RRH: variants seen among roughly 807,000 people sequenced by gnomAD.
RRH encodes visual pigment-like receptor peropsin.
RRH carries 36 observed loss-of-function variants against 33.1 expected under a neutral mutation model. The ratio of observed to expected loss-of-function variants is 1.09; its 90% CI spans 0.83 to 1.44. RRH has a LOEUF of 1.44. Ranked by LOEUF, RRH falls within the 40% of genes most tolerant of loss-of-function variation. RRH has a pLI of 0.00. For missense variants in RRH, 393 were observed against 420.2 expected (o/e 0.94, Z 0.57); for synonymous variants, 124 against 140.2 (o/e 0.88, Z 0.82).
At chr4:109,840,983 A>AT (rs1579364689) in intron 5 of RRH, among the ~76,000 whole-genome samples, 1 of 151,834 alleles carries the variant, frequency 6.6e-6, no homozygotes, top group South Asian at 2.1e-4. Context: ...AATCAAAAAA[A>AT]TTTTTTTTCT....
Position 109,833,172 on chromosome 4 carries a change from T to C in RRH, c.140T>C (p.Leu47Pro), listed in dbSNP as rs1399163854. The C allele has an allele frequency of 6.2e-7, 1 of 1,613,884 alleles. No homozygotes were observed. The highest frequency in any genetic ancestry group is 8.5e-7 in the Non-Finnish European group (1 of 1,179,748). The change falls in exon 2 of 7, where the codon CTG (leucine) becomes CCG (proline). Residue 47 changes from leucine to proline, a missense_variant. By Grantham distance (98) the Leu-to-Pro change is moderately conservative. Transcript: ENST00000317735. ...AGTATTATCAGCAACATAATAGTTCTGGGCATCTTCATTAAGTACAAGGAA... is the reference window on the plus strand; with the variant it reads ...AGTATTATCAGCAACATAATAGTTCCGGGCATCTTCATTAAGTACAAGGAA... ...MISIISNIIVLGIFIKYKELR... is the reference protein window; with the variant it reads ...MISIISNIIVPGIFIKYKELR...
chr4:109,842,161 T>C (rs1295796524), intron 5 of RRH, among the ~76,000 whole-genome samples: 1 of 152,128 alleles, frequency 6.6e-6, no homozygotes, highest in African/African-American at 2.4e-5. Flanking sequence ...TTCATCAAAG[T>C]CAGCTTTTGT....
intron 5 of RRH, 87 bp downstream of exon 5, chr4:109,837,692 TC>T (rs1383757996): frequency 3.2e-6 from 3 of 948,356 alleles, no homozygotes; most frequent in Non-Finnish European, 5.0e-6. Flanking sequence ...ACCGCAGTCT[TC>T]TCTCCCTCAT....
chr4:109,830,520 C>G (rs1297967957), intron 1 of RRH, among the ~76,000 whole-genome samples: 1 of 152,004 alleles, frequency 6.6e-6, no homozygotes, highest in East Asian at 1.9e-4. Context: ...AGAGAAGTAT[C>G]AAAGATGATG....
intron 1 of RRH, among the ~76,000 whole-genome samples, chr4:109,829,167 C>T (rs914688767): frequency 1.5e-5 from 1 of 65,332 alleles, no homozygotes; most frequent in African/African-American, 6.1e-5. Context: ...CCATCCTATA[C>T]CCAGTTTATA....
At chr4:109,833,862 C>T (rs1733819877) in intron 2 of RRH, among the ~76,000 whole-genome samples, 1 of 152,158 alleles carries the variant, frequency 6.6e-6, no homozygotes, top group Non-Finnish European at 1.5e-5. Flanking sequence ...AGTTTACTAT[C>T]ATAACCTAAA....
chr4:109,828,282 G>T, intron 1 of RRH, 149 bp downstream of exon 1: 1 of 626,900 alleles, frequency 1.6e-6, no homozygotes, highest in Non-Finnish European at 2.9e-6. Flanking sequence ...GTTGGTAAAT[G>T]AGGATGATGA....
At chr4:109,835,224 A>C (rs1733853832) in intron 2 of RRH, 142 bp from the exon 3 acceptor site, 1 of 665,376 alleles carries the variant, frequency 1.5e-6, no homozygotes, top group Non-Finnish European at 2.7e-6. Flanking sequence ...ACCAGTTATA[A>C]TTTGACAATG....
At chr4:109,830,509 G>T (rs1338611031) in intron 1 of RRH, among the ~76,000 whole-genome samples, 2 of 152,110 alleles carry the variant, frequency 1.3e-5, no homozygotes, top group African/African-American at 4.8e-5. Flanking sequence ...GTGGGAGAAG[G>T]AGAGAAGTAT....
intron 1 of RRH, among the ~76,000 whole-genome samples, 166 bp from the exon 2 acceptor site, chr4:109,832,973 G>A (rs1345190024): frequency 1.3e-5 from 2 of 152,202 alleles, no homozygotes; most frequent in South Asian, 4.1e-4. Flanking sequence ...TCACAGAAGG[G>A]ATGTGAAGAT....
chr4:109,833,053 TA>T (rs1733791770), intron 1 of RRH, 85 bp from the exon 2 acceptor site: 1 of 1,104,356 alleles, frequency 9.1e-7, no homozygotes, highest in African/African-American at 1.5e-5. Context: ...GTTATGTTTT[TA>T]AAGGGGCTTA....
At position 109,828,103 on chromosome 4, in the gene RRH, A is replaced by G. The variant is rs751249621; in HGVS notation, c.76A>G (p.Asn26Asp). 5.6e-6 allele frequency: 9 copies of G among 1,611,826 alleles called. No individual in the cohort carries two copies. The highest frequency in any genetic ancestry group is 2.2e-5 in the South Asian group (2 of 91,046). The change falls in exon 1 of 7, where the codon AAT becomes GAT. Residue 26 changes from asparagine (N) to aspartate (D), a missense_variant. By Grantham distance (23) the Asn-to-Asp change is conservative. Transcript: ENST00000317735. ...CTCGGTCTTTTCACAGACTGAACAC[A>G]ATATTGTTGCAACTTACTTGATTAT... is the stretch of plus-strand genomic sequence containing the variant. ...DGSVFSQTEHNIVATYLIMAG... is the reference protein window; with the variant it reads ...DGSVFSQTEHDIVATYLIMAG...
Position 109,833,138 on chromosome 4 carries a change from G to A in RRH, c.107-1G>A, listed in dbSNP as rs1733792986. 1.9e-6 allele frequency: 3 copies of A among 1,610,606 alleles called. No individual in the cohort carries two copies. Among genetic ancestry groups the A allele is most frequent in the African/African-American group, 2.7e-5 (2 of 74,822 alleles). On this transcript the variant is annotated splice_acceptor_variant, in intron 1 of 6. Transcript: ENST00000317735. LOFTEE classifies it high-confidence loss of function. The stretch of plus-strand genomic sequence containing the variant: ...CATCATATTTTTGTGTGTGTTCTCA[G>A]GTATGATAAGTATTATCAGCAACAT...
intron 5 of RRH, among the ~76,000 whole-genome samples, chr4:109,840,685 T>C (rs1440487317): frequency 1.3e-5 from 2 of 151,976 alleles, no homozygotes; most frequent in Non-Finnish European, 2.9e-5. Context: ...ATTATGTATA[T>C]ATTTATACTT....
chr4:109,842,469 A>G lies in RRH; in HGVS notation c.721A>G (p.Met241Val), dbSNP rs751291837. The G allele has an allele frequency of 1.2e-6, 2 of 1,613,652 alleles. No individual in the cohort carries two copies. The highest frequency in any genetic ancestry group is 1.7e-6 in the Non-Finnish European group (2 of 1,179,734). Residue 241 changes from methionine (M) to valine (V), a missense_variant and splice_region_variant, in exon 6 of 7, where the codon ATG becomes GTG. By Grantham distance (21) the Met-to-Val change is conservative. Transcript: ENST00000317735. Reference protein sequence around the residue: ...DWSDQIDVTKMSVIMICMFLV... With the variant: ...DWSDQIDVTKVSVIMICMFLV... Reference sequence around the variant, plus strand: ...TTGGTGAATATTTATTTCTTTTCAGATGTCTGTGATCATGATCTGCATGTT... The same window carrying G: ...TTGGTGAATATTTATTTCTTTTCAGGTGTCTGTGATCATGATCTGCATGTT...
Position 109,844,593 on chromosome 4 carries a change from C to A in RRH, c.*396C>A. The A allele has an allele frequency of 6.4e-6, 1 of 156,290 alleles. No individual in the cohort carries two copies. Among genetic ancestry groups the A allele is most frequent in the Non-Finnish European group, 1.4e-5 (1 of 70,506 alleles). 9.7% of individuals were successfully genotyped at this position (156,290 alleles called of 1,614,324 possible). A position where few individuals can be genotyped will look rare whatever the true frequency, so the allele number is the denominator to read the frequency against. ...TTACTGAAATGAGTTGTTGGATGTT[C>A]CCAGTTAGAATAGAAAGCATTTTTT... On this transcript the variant is annotated 3_prime_UTR_variant, in exon 7 of 7. Transcript: ENST00000317735.
intron 2 of RRH, 81 bp downstream of exon 2, chr4:109,833,410 G>A (rs1733803908): frequency 8.9e-7 from 1 of 1,120,194 alleles, no homozygotes; most frequent in Non-Finnish European, 1.3e-6. Context: ...AATCCCAAGA[G>A]TTTAAATTGA....
Position 109,844,063 on chromosome 4 carries a change from T to C in RRH, c.900-20T>C, listed in dbSNP as rs750699821. On this transcript the variant is annotated intron_variant, in intron 6 of 6. Transcript: ENST00000317735. Reference sequence around the variant, plus strand: ...CAAATCATTATGGGTTAATGCCAGATTTTCCTTTTTTTATCGTAGGTTTCG... The same window carrying C: ...CAAATCATTATGGGTTAATGCCAGACTTTCCTTTTTTTATCGTAGGTTTCG... 6.9e-5 allele frequency: 106 copies of C among 1,538,124 alleles called. No individual in the cohort carries two copies. The highest frequency in any genetic ancestry group is 8.8e-5 in the Non-Finnish European group (98 of 1,111,378).
intron 5 of RRH, 27 bp from the exon 6 acceptor site, chr4:109,842,442 G>C: frequency 6.2e-7 from 1 of 1,604,956 alleles, no homozygotes; most frequent in Non-Finnish European, 8.5e-7. Context: ...TAGGTATTGG[G>C]CTTGGTGAAT....
Sources: gnomAD v4.1 joint callset for allele counts (sites outside exome capture counted in the v4.1 genomes callset) on GRCh38, gnomAD v4.1.1 for gene constraint, MANE v1.5 for transcripts, NCBI Gene and HGNC (gene_info 2026-07-23, HGNC 2026-07-21) for gene names.